TMEM132D: variants seen among roughly 807,000 people sequenced by gnomAD.
The protein encoded by TMEM132D is transmembrane protein 132D.
Under a neutral mutation model 62.3 loss-of-function variants are expected in TMEM132D, and 21 were observed. The observed-to-expected ratio is 0.34, with a 90% CI of 0.24 to 0.49. TMEM132D has a LOEUF of 0.49. Ranked by LOEUF, TMEM132D falls within the 20% of genes least tolerant of loss-of-function variation. TMEM132D has a pLI of 0.99. For synonymous variants in TMEM132D, 621 were observed against 575.6 expected, an observed-to-expected ratio of 1.08 and a Z score of -1.13; for missense variants, 1,346 against 1,402.8, an observed-to-expected ratio of 0.96 and a Z score of 0.65.
intron 5 of TMEM132D, among the ~76,000 whole-genome samples, chr12:129,159,013 A>G (rs1203766222): frequency 6.6e-6 from 1 of 152,204 alleles, no homozygotes. Context: ...AACCACCTCC[A>G]TTATCCAATC....
At chr12:129,442,583 G>A (rs1165581848) in intron 3 of TMEM132D, among the ~76,000 whole-genome samples, 4 of 151,444 alleles carry the variant, frequency 2.6e-5, no homozygotes, top group African/African-American at 4.9e-5. Flanking sequence ...TTCTCCTTCC[G>A]TCTTGTCACA....
intron 2 of TMEM132D, among the ~76,000 whole-genome samples, chr12:129,685,197 T>C (rs1035427311): frequency 4.6e-5 from 7 of 151,980 alleles, no homozygotes; most frequent in Non-Finnish European, 1.0e-4. Context: ...ACCAAGACAA[T>C]GGGAAAAAAT....
chr12:129,801,555 G>C (rs1871785236), intron 1 of TMEM132D, among the ~76,000 whole-genome samples: 1 of 150,650 alleles, frequency 6.6e-6, no homozygotes, highest in South Asian at 2.1e-4. Context: ...CATCATCAAA[G>C]ACCAAAAGTA....
intron 3 of TMEM132D, among the ~76,000 whole-genome samples, chr12:129,364,189 C>T (rs1165442713): frequency 1.3e-5 from 2 of 152,116 alleles, no homozygotes; most frequent in East Asian, 1.9e-4. Flanking sequence ...AATAGAATCC[C>T]GATATGGTAT....
chr12:129,719,486 A>G (rs1055726953), intron 1 of TMEM132D, among the ~76,000 whole-genome samples: 1 of 152,226 alleles, frequency 6.6e-6, no homozygotes, highest in African/African-American at 2.4e-5. Flanking sequence ...GCTCCTGTCT[A>G]TAAAGTTCTG....
chr12:129,164,244 C>T (rs910455589), intron 5 of TMEM132D, among the ~76,000 whole-genome samples: 3 of 152,220 alleles, frequency 2.0e-5, no homozygotes, highest in African/African-American at 2.4e-5. Context: ...AAAAGTGGAA[C>T]GTGACAGCCT....
intron 3 of TMEM132D, among the ~76,000 whole-genome samples, chr12:129,490,399 A>G (rs1033163290): frequency 7.5e-6 from 1 of 133,410 alleles, no homozygotes; most frequent in Non-Finnish European, 1.6e-5. Flanking sequence ...TAAAAATTTC[A>G]CCTGAACATC....
At position 129,371,719 on chromosome 12, in the gene TMEM132D, T is replaced by C. The variant is rs781541526; in HGVS notation, c.1116-33902A>G. On this transcript the variant is annotated intron_variant, in intron 3 of 8. Transcript: ENST00000422113. This position sits in a 1 kb window ranked among gnomAD's most constrained non-coding sequence, Gnocchi z 4.3. The stretch of plus-strand genomic sequence containing the variant: ...GATGTGATGATAGTGATGGTGATGA[T>C]GATGGGGTGTTTAGAACTGGAAAAC... Among the ~76,000 whole-genome samples, 2 of 152,042 alleles carry C rather than the reference T, an allele frequency of 1.3e-5. No individual in the cohort carries two copies. Among genetic ancestry groups the C allele is most frequent in the Non-Finnish European group, 2.9e-5 (2 of 68,018 alleles).
At chr12:129,305,360 G>A (rs1192565098) in intron 4 of TMEM132D, among the ~76,000 whole-genome samples, 3 of 152,332 alleles carry the variant, frequency 2.0e-5, no homozygotes, top group Non-Finnish European at 2.9e-5. Context: ...GGAAATGGAA[G>A]CTTGATTGAG....
intron 4 of TMEM132D, among the ~76,000 whole-genome samples, chr12:129,232,135 G>T (rs999723519): frequency 6.6e-6 from 1 of 152,142 alleles, no homozygotes; most frequent in Non-Finnish European, 1.5e-5. Context: ...GTTGCAGCCC[G>T]GATCTTGGGA....
chr12:129,585,857 G>A (rs1295821870), intron 2 of TMEM132D, among the ~76,000 whole-genome samples: 1 of 151,630 alleles, frequency 6.6e-6, no homozygotes, highest in Non-Finnish European at 1.5e-5. Context: ...GTGTGTGAGG[G>A]GGTATATCTT....
In TMEM132D at chr12:129,269,532, C is replaced by G. The variant is rs142244722; in HGVS notation, c.1300-59869G>C. 2.4e-3 allele frequency among the ~76,000 whole-genome samples: 371 copies of G among 152,200 alleles called. 1 individual carries two copies. Among genetic ancestry groups the G allele is most frequent in the African/African-American group, 8.5e-3 (355 of 41,526 alleles). ...CTTGGCACATAGACGCTCAATAAGT[C>G]TTGGATGAATGAATGAGTGAATGTG... On this transcript the variant is annotated intron_variant, in intron 4 of 8. Coordinates refer to ENST00000422113, the MANE Select transcript of TMEM132D (RefSeq NM_133448.3).
rs1000118 is a variant in TMEM132D at position 129,277,648 on chromosome 12, T to C, written c.1299+59986A>G. ...AATTTAAAAGATTACATTTGAAAGT[T>C]AGAAACAAATTTAGTATCTCAATTT... On this transcript the variant is annotated intron_variant, in intron 4 of 8. Transcript: ENST00000422113. The surrounding 1 kb of genome is among the most constrained non-coding windows in gnomAD (Gnocchi z 4.2). Among the ~76,000 whole-genome samples, 46,121 of 152,144 alleles carry C rather than the reference T, an allele frequency of 0.3. 7,928 individuals carry two copies. Among genetic ancestry groups the C allele is most frequent in the Non-Finnish European group, 0.39 (26,459 of 67,972 alleles).
At chr12:129,773,267 T>G (rs1415366724) in intron 1 of TMEM132D, among the ~76,000 whole-genome samples, 1 of 152,174 alleles carries the variant, frequency 6.6e-6, no homozygotes, top group African/African-American at 2.4e-5. Flanking sequence ...GCGGCGGCAG[T>G]GAGCAAGGCA....
chr12:129,525,946 C>A (rs77496590), intron 3 of TMEM132D, among the ~76,000 whole-genome samples: 1 of 152,192 alleles, frequency 6.6e-6, no homozygotes, highest in East Asian at 1.9e-4. Flanking sequence ...TGACTTCATA[C>A]CACTGTCTCA....
intron 1 of TMEM132D, among the ~76,000 whole-genome samples, chr12:129,842,586 A>C (rs191264744): frequency 3.3e-5 from 5 of 151,878 alleles, no homozygotes; most frequent in Admixed American, 2.6e-4. Context: ...CTCCCACCTC[A>C]GACTCCTGAG....
chr12:129,741,584 C>G (rs1593143257), intron 1 of TMEM132D, among the ~76,000 whole-genome samples: 1 of 152,318 alleles, frequency 6.6e-6, no homozygotes, highest in East Asian at 1.9e-4. Flanking sequence ...AGAATGTTCT[C>G]TCCCTGGATG....
chr12:129,415,008 T>C (rs1317780516), intron 3 of TMEM132D, among the ~76,000 whole-genome samples: 1 of 152,236 alleles, frequency 6.6e-6, no homozygotes, highest in Non-Finnish European at 1.5e-5. Context: ...CATTCTCACT[T>C]CATGCTGAAT....
chr12:129,599,358 A>C (rs1026946561), intron 2 of TMEM132D, among the ~76,000 whole-genome samples: 5 of 152,240 alleles, frequency 3.3e-5, no homozygotes, highest in African/African-American at 1.2e-4. Flanking sequence ...AAGAAATAAT[A>C]AAATGTGATT....
Sources: allele counts gnomAD v4.1 joint callset (sites outside exome capture counted in the v4.1 genomes callset), GRCh38; gene constraint gnomAD v4.1.1; non-coding constraint Gnocchi (gnomAD v3.1); transcripts MANE v1.5; gene names NCBI Gene and HGNC (gene_info 2026-07-23, HGNC 2026-07-21).